Variants in DACH1 observed in about 807,000 individuals in gnomAD.
DACH1 encodes dachshund homolog 1.
A neutral mutation model predicts 54.2 loss-of-function variants in DACH1; 12 were observed. That is an observed-to-expected ratio of 0.22 (90% CI 0.14 to 0.36). The LOEUF (loss-of-function observed/expected upper bound fraction) is 0.36, where lower values mean the gene tolerates loss of function less well. Ranked by LOEUF, DACH1 falls within the 10% of genes least tolerant of loss-of-function variation. The pLI, the probability that DACH1 is intolerant of heterozygous loss-of-function variation, is 1.00. For synonymous variants in DACH1, 386 were observed against 366.2 expected, an observed-to-expected ratio of 1.05 and a Z score of -0.62; for missense variants, 805 against 929.8, an observed-to-expected ratio of 0.87 and a Z score of 1.75.
intron 2 of DACH1, among the ~76,000 whole-genome samples, chr13:71,672,490 A>T (rs1209521383): frequency 6.6e-6 from 1 of 152,172 alleles, no homozygotes; most frequent in Non-Finnish European, 1.5e-5. Context: ...AAATAAAAAG[A>T]AGTTCCAACA....
intron 1 of DACH1, among the ~76,000 whole-genome samples, chr13:71,826,449 T>C (rs1476716679): frequency 6.6e-6 from 1 of 151,974 alleles, no homozygotes; most frequent in African/African-American, 2.4e-5. Context: ...ATTTCTCACG[T>C]GGCCAGCTGG....
intron 3 of DACH1, among the ~76,000 whole-genome samples, chr13:71,623,768 G>T (rs188371001): frequency 2.6e-5 from 4 of 151,834 alleles, no homozygotes; most frequent in Admixed American, 2.6e-4. Flanking sequence ...AAGTAGTTAA[G>T]TTATTTATTA....
At chr13:71,865,897 GC>G in intron 1 of DACH1, 24 bp downstream of exon 1, 6 of 1,558,796 alleles carry the variant, frequency 3.8e-6, no homozygotes, top group African/African-American at 2.8e-5. Context: ...GGCGCGGGCG[GC>G]GGGGGCTATC....
At position 71,632,324 on chromosome 13, in the gene DACH1, C is replaced by G. The variant is rs9572763; in HGVS notation, c.965-1607G>C. Among the ~76,000 whole-genome samples, 9 of 151,844 alleles carry G rather than the reference C, an allele frequency of 5.9e-5. No homozygotes were observed. The South Asian group carries it at 1.5e-3, about 25-fold the overall frequency. ...TTCACTTCAGGCTGACATCCCTCAT[C>G]TGCAAAATGACAGACACTGGAATGT... On this transcript the variant is annotated intron_variant, in intron 2 of 10. Transcript: ENST00000613252.
chr13:71,756,236 G>A (rs553984435), intron 1 of DACH1, among the ~76,000 whole-genome samples: 42 of 151,660 alleles, frequency 2.8e-4, no homozygotes, highest in Middle Eastern at 3.2e-3. Flanking sequence ...GTAGAGACAG[G>A]TTCTCACAGT....
rs1011004335 is a variant in DACH1 at position 71,681,878 on chromosome 13, T to G, written c.881A>C (p.Gln294Pro). Residue 294 changes from glutamine to proline, a missense_variant, in exon 2 of 11, where the codon CAA (glutamine) becomes CCA (proline). Gln to Pro is a moderately conservative substitution (Grantham distance 76). Around this residue, in one of 3 missense-constraint regions of DACH1, gnomAD observed 472 missense variants for 545.3 expected, o/e 0.87. Transcript: ENST00000613252. The part of the protein sequence containing the change: ...SRPGRPPKRT[Q>P]SVTSPENSHI... ...AGAGTTCTCTGGGGAGGTGACACTT[T>G]GAGTCCTCTTAGGAGGCCTTCCAGG... 2 of 1,613,608 alleles carry G rather than the reference T, an allele frequency of 1.2e-6. No homozygotes were observed. The highest frequency in any genetic ancestry group is 2.7e-5 in the African/African-American group (2 of 74,908).
intron 1 of DACH1, among the ~76,000 whole-genome samples, chr13:71,756,776 C>A (rs147845165): frequency 0.01 from 1,555 of 152,094 alleles, 12 homozygotes; most frequent in Middle Eastern, 0.058. Flanking sequence ...AATTTGAAAT[C>A]CACTCAATTT....
chr13:71,678,294 A>G (rs1274981083), intron 2 of DACH1, among the ~76,000 whole-genome samples: 2 of 152,208 alleles, frequency 1.3e-5, no homozygotes, highest in Non-Finnish European at 2.9e-5. Flanking sequence ...GGATCATTAG[A>G]TTTCCAGTTA....
At chr13:71,844,407 C>T (rs1873085098) in intron 1 of DACH1, among the ~76,000 whole-genome samples, 1 of 152,146 alleles carries the variant, frequency 6.6e-6, no homozygotes, top group South Asian at 2.1e-4. Flanking sequence ...TCAGAAACAT[C>T]AGGATGCAGC....
At chr13:71,546,205 C>T (rs1007901343) in intron 6 of DACH1, among the ~76,000 whole-genome samples, 4 of 151,990 alleles carry the variant, frequency 2.6e-5, no homozygotes, top group Admixed American at 1.3e-4. Flanking sequence ...ATCACAGCTT[C>T]GTAAAAGCAC....
At chr13:71,807,393 G>A (rs1298247562) in intron 1 of DACH1, among the ~76,000 whole-genome samples, 1 of 119,986 alleles carries the variant, frequency 8.3e-6, no homozygotes, top group East Asian at 2.6e-4. Flanking sequence ...ATTTTATAAC[G>A]TTCTGTCAGT....
At chr13:71,828,316 G>A (rs572576604) in intron 1 of DACH1, among the ~76,000 whole-genome samples, 4 of 151,876 alleles carry the variant, frequency 2.6e-5, no homozygotes, top group African/African-American at 4.8e-5. Flanking sequence ...GGAAAGGCTC[G>A]GGACAGAGTG....
At chr13:71,572,746 A>G in intron 4 of DACH1, 94 bp downstream of exon 4, 1 of 1,329,766 alleles carries the variant, frequency 7.5e-7, no homozygotes, top group Non-Finnish European at 1.0e-6. Flanking sequence ...TTAGCTTTTT[A>G]GAGTTCAGAT....
At position 71,564,863 on chromosome 13, in the gene DACH1, T is replaced by C. The variant is rs945621577; in HGVS notation, c.1300-4908A>G. Among the ~76,000 whole-genome samples, 4 of 152,194 alleles carry C rather than the reference T, an allele frequency of 2.6e-5. No individual in the cohort carries two copies. The East Asian group carries it at 7.7e-4, about 29-fold the overall frequency. On this transcript the variant is annotated intron_variant, in intron 4 of 10. Coordinates refer to ENST00000613252, the MANE Select transcript of DACH1 (RefSeq NM_080759.6). The stretch of plus-strand genomic sequence containing the variant: ...TTCATTTTTTGTTTTTCAATAGAGA[T>C]TCTCTAACTGAACAGGATATAGAAG...
At chr13:71,728,363 T>C (rs1021979752) in intron 1 of DACH1, among the ~76,000 whole-genome samples, 10 of 151,962 alleles carry the variant, frequency 6.6e-5, no homozygotes, top group African/African-American at 2.4e-4. Flanking sequence ...ACATCTCAGG[T>C]TAAGTGTTAA....
chr13:71,483,864 C>T (rs1012198140), intron 7 of DACH1, among the ~76,000 whole-genome samples: 1 of 152,036 alleles, frequency 6.6e-6, no homozygotes, highest in African/African-American at 2.4e-5. Flanking sequence ...TATACAGGTA[C>T]ATAGCCTAGG....
At chr13:71,602,002 C>A (rs1344122360) in intron 3 of DACH1, among the ~76,000 whole-genome samples, 1 of 151,868 alleles carries the variant, frequency 6.6e-6, no homozygotes, top group Non-Finnish European at 1.5e-5. Context: ...CAATAGTATG[C>A]ATTGAATACC....
At chr13:71,640,180 G>C (rs1429653481) in intron 2 of DACH1, among the ~76,000 whole-genome samples, 1 of 151,980 alleles carries the variant, frequency 6.6e-6, no homozygotes, top group Admixed American at 6.6e-5. Flanking sequence ...AAACTATGGA[G>C]TCTTTGAAAC....
intron 1 of DACH1, among the ~76,000 whole-genome samples, chr13:71,691,695 G>T (rs1881484922): frequency 1.3e-5 from 2 of 152,184 alleles, no homozygotes; most frequent in Non-Finnish European, 2.9e-5. Flanking sequence ...TAGCAGATTT[G>T]CATGTTAATG....
Sources: allele counts gnomAD v4.1 joint callset (sites outside exome capture counted in the v4.1 genomes callset), GRCh38; gene constraint gnomAD v4.1.1; regional missense constraint gnomAD v4.1.1; transcripts MANE v1.5; gene names NCBI Gene and HGNC (gene_info 2026-07-23, HGNC 2026-07-21).